The following ATRNL1 variants were observed in gnomAD, a reference collection of about 807,000 sequenced individuals.
ATRNL1 encodes the protein attractin-like protein 1.
ATRNL1 carries 95 observed loss-of-function variants against 182.7 expected under a neutral mutation model. The observed-to-expected ratio is 0.52, with a 90% CI of 0.44 to 0.62. ATRNL1 has a LOEUF of 0.62. ATRNL1 is among the 20% of genes least tolerant of loss of function. The pLI, the probability that ATRNL1 is intolerant of heterozygous loss-of-function variation, is 0.00. For missense variants in ATRNL1, 1,471 were observed against 1,679.5 expected, an observed-to-expected ratio of 0.88 and a Z score of 2.17; for synonymous variants, 576 against 568.3, an observed-to-expected ratio of 1.01 and a Z score of -0.19.
At chr10:115,173,824 T>C (rs1221849968) in intron 8 of ATRNL1, among the ~76,000 whole-genome samples, 1 of 151,604 alleles carries the variant, frequency 6.6e-6, no homozygotes, top group African/African-American at 2.4e-5. Flanking sequence ...ATTGTTATTA[T>C]TGTTTAGTGT....
At chr10:115,544,171 A>G (rs1852516312) in intron 25 of ATRNL1, among the ~76,000 whole-genome samples, 2 of 152,178 alleles carry the variant, frequency 1.3e-5, no homozygotes, top group South Asian at 2.1e-4. Context: ...CTAGTGTTCA[A>G]TGATACCCAT....
chr10:115,777,326 G>A (rs1481582038), intron 27 of ATRNL1, among the ~76,000 whole-genome samples: 11 of 152,076 alleles, frequency 7.2e-5, no homozygotes, highest in East Asian at 3.9e-4. Flanking sequence ...ATAAAATAAA[G>A]TATTTATATA....
At chr10:115,462,603 T>C (rs1449686081) in intron 22 of ATRNL1, among the ~76,000 whole-genome samples, 1 of 152,010 alleles carries the variant, frequency 6.6e-6, no homozygotes, top group Non-Finnish European at 1.5e-5. Context: ...AGAGTGAGAC[T>C]CCATCTCAAA....
At chr10:115,724,154 G>GA (rs1210117887) in intron 26 of ATRNL1, among the ~76,000 whole-genome samples, 2 of 152,184 alleles carry the variant, frequency 1.3e-5, no homozygotes, top group African/African-American at 4.8e-5. Context: ...CACAATCCTG[G>GA]AAAATCTATT....
At chr10:115,907,709 G>C (rs72832831) in intron 28 of ATRNL1, among the ~76,000 whole-genome samples, 429 of 151,838 alleles carry the variant, frequency 2.8e-3, no homozygotes, top group Middle Eastern at 6.8e-3. Flanking sequence ...GATACTTATA[G>C]CAAATATTTT....
At chr10:115,161,822 CA>C (rs1359607387) in intron 6 of ATRNL1, among the ~76,000 whole-genome samples, 1 of 151,708 alleles carries the variant, frequency 6.6e-6, no homozygotes, top group African/African-American at 2.4e-5. Flanking sequence ...GAATGTAGTT[CA>C]ATTGTAGGTA....
At chr10:115,453,718 G>A (rs1044166448) in intron 21 of ATRNL1, among the ~76,000 whole-genome samples, 1 of 146,238 alleles carries the variant, frequency 6.8e-6, no homozygotes, top group Non-Finnish European at 1.5e-5. Context: ...AACACTGCAT[G>A]TTCTCACTCA....
At chr10:115,855,797 G>C (rs1555101785) in intron 28 of ATRNL1, among the ~76,000 whole-genome samples, 1 of 152,076 alleles carries the variant, frequency 6.6e-6, no homozygotes, top group East Asian at 1.9e-4. Context: ...AAACTAACTT[G>C]TTTAGCTTTA....
intron 21 of ATRNL1, among the ~76,000 whole-genome samples, chr10:115,432,579 T>G (rs1846222229): frequency 1.3e-5 from 2 of 152,136 alleles, no homozygotes; most frequent in African/African-American, 4.8e-5. Flanking sequence ...TTGAGTGCAA[T>G]GTGGTATTAA....
intron 26 of ATRNL1, among the ~76,000 whole-genome samples, chr10:115,579,295 G>A (rs782352309): frequency 1.3e-5 from 2 of 151,632 alleles, no homozygotes; most frequent in Non-Finnish European, 3.0e-5. Context: ...TAGTATCAAA[G>A]TTCTCTATCA....
intron 9 of ATRNL1, among the ~76,000 whole-genome samples, chr10:115,221,456 A>G (rs782275822): frequency 1.3e-5 from 2 of 152,126 alleles, no homozygotes; most frequent in Non-Finnish European, 2.9e-5. Flanking sequence ...ATTCTTTTTC[A>G]GTGGTGAAAT....
In ATRNL1 at chr10:115,096,790, T is replaced by C; in HGVS notation, c.293+2747T>C. The C allele has an allele frequency of 3.3e-6, 4 of 1,230,590 alleles. No homozygotes were observed. The South Asian group carries it at 4.3e-5, about 13-fold the overall frequency. The allele number at this position is 1,230,590 out of a possible 1,614,324, so 76.2% of individuals were successfully genotyped here. On this transcript the variant is annotated intron_variant, in intron 1 of 28. Transcript: ENST00000355044. ...ATTGATTCCAGTCTTCTGTTTCCAT[T>C]TGAAAAGAATAAAGCACTCAGAATA...
At chr10:115,929,660 T>C (rs183642741) in intron 28 of ATRNL1, among the ~76,000 whole-genome samples, 5 of 152,190 alleles carry the variant, frequency 3.3e-5, no homozygotes, top group African/African-American at 9.6e-5. Flanking sequence ...GTGATGAACA[T>C]GTGTAATATT....
At chr10:115,297,789 CTG>C (rs1200141695) in intron 15 of ATRNL1, among the ~76,000 whole-genome samples, 4 of 151,936 alleles carry the variant, frequency 2.6e-5, no homozygotes, top group Non-Finnish European at 4.4e-5. Context: ...TATTAGAACT[CTG>C]TTGTTTTCTT....
chr10:115,858,777 G>T (rs1414487341), intron 28 of ATRNL1, among the ~76,000 whole-genome samples: 1 of 152,016 alleles, frequency 6.6e-6, no homozygotes, highest in Non-Finnish European at 1.5e-5. Context: ...ATATAAAACT[G>T]CCAATTGGTA....
At chr10:115,830,434 G>A (rs1306351548) in intron 27 of ATRNL1, among the ~76,000 whole-genome samples, 2 of 152,070 alleles carry the variant, frequency 1.3e-5, no homozygotes, top group African/African-American at 4.8e-5. Context: ...CATAGGCCAT[G>A]CTCAATAAAC....
intron 19 of ATRNL1, among the ~76,000 whole-genome samples, chr10:115,347,870 A>G (rs1554940249): frequency 6.6e-6 from 1 of 152,150 alleles, no homozygotes; most frequent in Non-Finnish European, 1.5e-5. Flanking sequence ...CTTTGTGGCT[A>G]TGGAAAAATA....
intron 8 of ATRNL1, among the ~76,000 whole-genome samples, chr10:115,184,739 A>G (rs963103064): frequency 6.6e-6 from 1 of 151,960 alleles, no homozygotes; most frequent in Non-Finnish European, 1.5e-5. Flanking sequence ...AAAGGAAAGG[A>G]AGAAAAAAAT....
chr10:115,816,636 ACAC>A (rs1950172504), intron 27 of ATRNL1, among the ~76,000 whole-genome samples: 3 of 136,654 alleles, frequency 2.2e-5, no homozygotes, highest in Non-Finnish European at 4.9e-5. Context: ...ACACACACAC[ACAC>A]GTGAAGGAAG....
Sources: gnomAD v4.1 joint callset for allele counts (sites outside exome capture counted in the v4.1 genomes callset) on GRCh38, gnomAD v4.1.1 for gene constraint, MANE v1.5 for transcripts, NCBI Gene and HGNC (gene_info 2026-07-23, HGNC 2026-07-21) for gene names.